THRB: variants seen among roughly 807,000 people sequenced by gnomAD.
THRB encodes thyroid hormone receptor beta, also known as nuclear receptor subfamily 1 group A member 2.
Under a neutral mutation model 47.8 loss-of-function variants are expected in THRB, and 12 were observed. The ratio of observed to expected loss-of-function variants is 0.25; its 90% CI spans 0.16 to 0.41. The LOEUF (loss-of-function observed/expected upper bound fraction) is 0.41, where lower values mean the gene tolerates loss of function less well. Ranked by LOEUF, THRB falls within the 10% of genes least tolerant of loss-of-function variation. The pLI is 1.00. For missense variants in THRB, 348 were observed against 589.2 expected (o/e 0.59, Z 4.24); for synonymous variants, 218 against 212.2 (o/e 1.03, Z -0.24).
At chr3:24,442,896 T>A (rs1400793353) in intron 1 of THRB, among the ~76,000 whole-genome samples, 2 of 149,746 alleles carry the variant, frequency 1.3e-5, no homozygotes, top group Non-Finnish European at 3.0e-5. Flanking sequence ...GTCACAGAAG[T>A]AAGGTGCTGG....
intron 1 of THRB, among the ~76,000 whole-genome samples, chr3:24,346,022 TC>T (rs2062993208): frequency 6.6e-6 from 1 of 151,998 alleles, no homozygotes; most frequent in South Asian, 2.1e-4. Context: ...GAAGTATACT[TC>T]CAGTAGAAGG....
chr3:24,317,191 T>C (rs1296766692), intron 2 of THRB, among the ~76,000 whole-genome samples: 1 of 152,128 alleles, frequency 6.6e-6, no homozygotes, highest in Admixed American at 6.6e-5. Context: ...GGGTTCAAAT[T>C]CCACCTGTGA....
intron 10 of THRB, among the ~76,000 whole-genome samples, chr3:24,124,724 T>C (rs757393837): frequency 6.6e-6 from 1 of 152,186 alleles, no homozygotes; most frequent in African/African-American, 2.4e-5. Flanking sequence ...TAGTGGCTCT[T>C]GGAAAAGTCT....
At chr3:24,172,477 C>A (rs1479935132) in intron 5 of THRB, among the ~76,000 whole-genome samples, 6 of 152,082 alleles carry the variant, frequency 3.9e-5, no homozygotes, top group Non-Finnish European at 7.4e-5. Flanking sequence ...GAATTTGTTT[C>A]TAATTTTTTC....
chr3:24,445,729 G>A (rs1426971072), intron 1 of THRB, among the ~76,000 whole-genome samples: 1 of 152,044 alleles, frequency 6.6e-6, no homozygotes, highest in African/African-American at 2.4e-5. Context: ...AAACGTCCAT[G>A]CCCTTTGATT....
At chr3:24,444,480 AT>A (rs1258707212) in intron 1 of THRB, among the ~76,000 whole-genome samples, 24 of 144,692 alleles carry the variant, frequency 1.7e-4, no homozygotes, top group Non-Finnish European at 3.0e-5. Context: ...CAAATAAATG[AT>A]TTTTTTGTCA....
rs867511475 is a variant in THRB, at chr3:24,269,441, A to T, written c.-43+27785T>A. 8.5e-3 allele frequency among the ~76,000 whole-genome samples: 1,214 copies of T among 142,234 alleles called. 20 individuals are homozygous for T. The highest frequency in any genetic ancestry group is 0.031 in the African/African-American group (1,145 of 36,696). 93.3% of individuals were successfully genotyped at this position (142,234 alleles called of 152,430 possible). On this transcript the variant is annotated intron_variant, in intron 3 of 10. Coordinates refer to ENST00000646209, the MANE Select transcript of THRB (RefSeq NM_001354712.2). Reference sequence around the variant, plus strand: ...CACACACACACACACACACACACACACTTAAGTTATCTTCGCTGTGTTGTC... The same window carrying T: ...CACACACACACACACACACACACACTCTTAAGTTATCTTCGCTGTGTTGTC...
intron 2 of THRB, among the ~76,000 whole-genome samples, chr3:24,328,907 T>C (rs980604200): frequency 6.6e-6 from 1 of 152,166 alleles, no homozygotes; most frequent in Non-Finnish European, 1.5e-5. Flanking sequence ...ATCTGACTCT[T>C]GATGGTCAAC....
At chr3:24,444,639 T>C (rs1367378833) in intron 1 of THRB, among the ~76,000 whole-genome samples, 1 of 152,232 alleles carries the variant, frequency 6.6e-6, no homozygotes, top group Non-Finnish European at 1.5e-5. Context: ...GTTTCGCTCT[T>C]GTTGCCCAGG....
intron 4 of THRB, among the ~76,000 whole-genome samples, chr3:24,200,371 G>T (rs1163988428): frequency 6.6e-6 from 1 of 152,090 alleles, no homozygotes; most frequent in Non-Finnish European, 1.5e-5. Flanking sequence ...TTGGAAACTA[G>T]GACTAGGGTA....
At chr3:24,441,204 G>C (rs1279660870) in intron 1 of THRB, among the ~76,000 whole-genome samples, 1 of 152,228 alleles carries the variant, frequency 6.6e-6, no homozygotes, top group African/African-American at 2.4e-5. Flanking sequence ...CTCAAGGCCA[G>C]TAGGGGAAAC....
chr3:24,189,750 C>T (rs142836091), intron 5 of THRB, among the ~76,000 whole-genome samples: 9 of 152,226 alleles, frequency 5.9e-5, no homozygotes, highest in East Asian at 1.9e-4. Flanking sequence ...AAAAATACAG[C>T]GATGCCTGTT....
At chr3:24,185,772 C>T (rs566121603) in intron 5 of THRB, among the ~76,000 whole-genome samples, 5 of 152,280 alleles carry the variant, frequency 3.3e-5, no homozygotes, top group South Asian at 2.1e-4. Flanking sequence ...TCCATGCATC[C>T]GTCTAGAGCC....
chr3:24,313,196 GC>G (rs1346008646), intron 2 of THRB, among the ~76,000 whole-genome samples: 6 of 152,120 alleles, frequency 3.9e-5, no homozygotes. Context: ...CTCCATGAAA[GC>G]TGTCATCAGG....
chr3:24,342,647 T>C (rs1014703739), intron 1 of THRB, among the ~76,000 whole-genome samples: 1 of 152,054 alleles, frequency 6.6e-6, no homozygotes, highest in Non-Finnish European at 1.5e-5. Flanking sequence ...CCCTCAGTAA[T>C]ACAGAGGCAG....
rs1255526899 is a variant in THRB, at chr3:24,158,852, C to CA, written c.284-6363_284-6362insT. Among the ~76,000 whole-genome samples the CA allele has an allele frequency of 2.7e-5, 4 of 150,490 alleles. No homozygotes were observed. The East Asian group carries it at 7.7e-4, about 29-fold the overall frequency. On this transcript the variant is annotated intron_variant, in intron 5 of 10. Transcript: ENST00000646209. Reference sequence around the variant, plus strand: ...GTAAGACAGCTCTTCCTCTCTCTCTCTCTCTCTCTCTCTCTCTCTCGCATA... The same window carrying CA: ...GTAAGACAGCTCTTCCTCTCTCTCTCATCTCTCTCTCTCTCTCTCTCGCATA...
At chr3:24,489,623 TCA>T (rs1270998641) in intron 1 of THRB, among the ~76,000 whole-genome samples, 1 of 152,200 alleles carries the variant, frequency 6.6e-6, no homozygotes, top group East Asian at 1.9e-4. Context: ...ACAGCAGAAC[TCA>T]GTTTCTCAAC....
At chr3:24,227,174 T>C (rs2047737874) in intron 4 of THRB, among the ~76,000 whole-genome samples, 1 of 152,184 alleles carries the variant, frequency 6.6e-6, no homozygotes, top group African/African-American at 2.4e-5. Context: ...TAGAGAGCCA[T>C]CCTTATAGCA....
intron 4 of THRB, among the ~76,000 whole-genome samples, chr3:24,194,527 A>G (rs961980889): frequency 6.6e-6 from 1 of 152,230 alleles, no homozygotes; most frequent in Admixed American, 6.5e-5. Context: ...TAAGTAGAAC[A>G]AAATAAAATA....
Sources: gnomAD v4.1 joint callset for allele counts (sites outside exome capture counted in the v4.1 genomes callset) on GRCh38, gnomAD v4.1.1 for gene constraint, MANE v1.5 for transcripts, NCBI Gene and HGNC (gene_info 2026-07-23, HGNC 2026-07-21) for gene names.